CNBP: variants seen among roughly 807,000 people sequenced by gnomAD.
The protein encoded by CNBP is cellular nucleic acid-binding protein.
In CNBP, 6 loss-of-function variants were observed where a neutral mutation model predicts 21.2. That is an observed-to-expected ratio of 0.28 (90% CI 0.16 to 0.56). The LOEUF (loss-of-function observed/expected upper bound fraction) is 0.56. Ranked by LOEUF, CNBP falls within the 20% of genes least tolerant of loss-of-function variation. The probability of loss-of-function intolerance (pLI) is 0.93; values close to 1 mark genes in which losing one functional copy is unlikely to be tolerated. For missense variants in CNBP, 112 were observed against 233.1 expected (o/e 0.48, Z 3.38); for synonymous variants, 61 against 74.9 (o/e 0.81, Z 0.96).
At chr3:129,180,189 A>G (rs1938203896) in intron 1 of CNBP, among the ~76,000 whole-genome samples, 1 of 152,202 alleles carries the variant, frequency 6.6e-6, no homozygotes, top group Non-Finnish European at 1.5e-5. Context: ...AGAAAAAAAA[A>G]AGCCACGCAC....
chr3:129,183,107 T>C (rs1227851558), intron 1 of CNBP, among the ~76,000 whole-genome samples: 7 of 152,054 alleles, frequency 4.6e-5, no homozygotes, highest in African/African-American at 1.4e-4. Flanking sequence ...CCCGCCACCA[T>C]GCCCGGCTAA....
At chr3:129,174,590 G>A (rs975492720) in intron 1 of CNBP, among the ~76,000 whole-genome samples, 11 of 150,448 alleles carry the variant, frequency 7.3e-5, no homozygotes, top group East Asian at 5.9e-4. Context: ...TCTTGAACCC[G>A]GGAGGTGGAG....
At chr3:129,174,628 C>T (rs1469231216) in intron 1 of CNBP, among the ~76,000 whole-genome samples, 1 of 146,176 alleles carries the variant, frequency 6.8e-6, no homozygotes, top group Admixed American at 7.0e-5. Context: ...AATTGCACTC[C>T]AACGTGGGTT....
chr3:129,172,410 C>T (rs1230109146), intron 1 of CNBP, among the ~76,000 whole-genome samples: 1 of 151,708 alleles, frequency 6.6e-6, no homozygotes, highest in Non-Finnish European at 1.5e-5. Context: ...GGCGAAACCC[C>T]GTCTCTACTA....
At chr3:129,171,565 G>A (rs771479532) in intron 2 of CNBP, 27 bp from the exon 3 acceptor site, 40 of 1,613,730 alleles carry the variant, frequency 2.5e-5, no homozygotes, top group South Asian at 5.5e-5. Flanking sequence ...CAAAGAATTC[G>A]GCTAGTCAGA....
rs1560035073 is a variant in CNBP, at chr3:129,172,669, CAGACAGACAGACAGACAGACAGACAG to C, written c.-14-924_-14-899del. On this transcript the variant is annotated intron_variant, in intron 1 of 4. Coordinates refer to ENST00000422453, the MANE Select transcript of CNBP (RefSeq NM_003418.5). ...GCAGGCAGGCAGGCAGACAGACAGA[CAGACAGACAGACAGACAGACAGACAG>C]ACACACACACACACACACACACACA... is the stretch of plus-strand genomic sequence containing the variant. 3.0e-3 allele frequency among the ~76,000 whole-genome samples: 293 copies of C among 99,186 alleles called. 14 individuals are homozygous for C. Among genetic ancestry groups the C allele is most frequent in the South Asian group, 0.02 (57 of 2,800 alleles). The allele number at this position is 99,186 out of a possible 152,430, so 65.1% of individuals were successfully genotyped here.
At position 129,168,786 on chromosome 3, in the gene CNBP, C is replaced by T. The variant is rs542917432; in HGVS notation, c.*1667G>A. Among the ~76,000 whole-genome samples the T allele has an allele frequency of 6.6e-6, 1 of 151,964 alleles. No homozygotes were observed. Among genetic ancestry groups the T allele is most frequent in the South Asian group, 2.1e-4 (1 of 4,812 alleles). On this transcript the variant is annotated 3_prime_UTR_variant, in exon 5 of 5. Transcript: ENST00000422453. ...GACCAGCCCGACCAACATGATGAAA[C>T]CCAGTCTCTACTAAAAATACAAAAA...
chr3:129,178,999 C>T (rs1010483761), intron 1 of CNBP, among the ~76,000 whole-genome samples: 2 of 152,046 alleles, frequency 1.3e-5, no homozygotes, highest in Non-Finnish European at 2.9e-5. Context: ...CTATGGGGGC[C>T]GGGTGTGCTG....
At position 129,175,058 on chromosome 3, in the gene CNBP, G is replaced by A. The variant is rs115807248; in HGVS notation, c.-14-3287C>T. Among the ~76,000 whole-genome samples, 436 of 152,034 alleles carry A rather than the reference G, an allele frequency of 2.9e-3. 1 individual carries two copies. Among genetic ancestry groups the A allele is most frequent in the Non-Finnish European group, 4.9e-3 (330 of 67,980 alleles). On this transcript the variant is annotated intron_variant, in intron 1 of 4. Transcript: ENST00000422453. ...CTAAAAACACAAAATTAGGGCAGGC[G>A]TGGTGGCTCACGCCTGTAATCTCAG...
intron 1 of CNBP, among the ~76,000 whole-genome samples, chr3:129,174,631 C>A (rs376972557): frequency 2.9e-5 from 4 of 136,254 alleles, no homozygotes; most frequent in Non-Finnish European, 6.1e-5. Flanking sequence ...TGCACTCCAA[C>A]GTGGGTTACA....
Position 129,172,672 on chromosome 3 carries a change from A to G in CNBP, c.-14-901T>C, listed in dbSNP as rs57620547. On this transcript the variant is annotated intron_variant, in intron 1 of 4. Coordinates refer to ENST00000422453, the MANE Select transcript of CNBP (RefSeq NM_003418.5). ...GGCAGGCAGGCAGACAGACAGACAG[A>G]CAGACAGACAGACAGACAGACAGAC... is the stretch of plus-strand genomic sequence containing the variant. Among the ~76,000 whole-genome samples, 697 of 114,784 alleles carry G rather than the reference A, an allele frequency of 6.1e-3. 20 individuals carry two copies. Among genetic ancestry groups the G allele is most frequent in the African/African-American group, 0.021 (608 of 28,586 alleles). 75.3% of individuals were successfully genotyped at this position (114,784 alleles called of 152,430 possible). A position where few individuals can be genotyped will look rare whatever the true frequency, so the allele number is the denominator to read the frequency against.
chr3:129,174,062 CTG>C (rs1261816586), intron 1 of CNBP, among the ~76,000 whole-genome samples: 1 of 152,166 alleles, frequency 6.6e-6, no homozygotes, highest in Non-Finnish European at 1.5e-5. Flanking sequence ...TACCCCAACT[CTG>C]TGTAATCTGA....
intron 1 of CNBP, among the ~76,000 whole-genome samples, chr3:129,174,227 A>G (rs946022328): frequency 1.3e-5 from 2 of 152,060 alleles, no homozygotes; most frequent in African/African-American, 2.4e-5. Context: ...AGGATATTAA[A>G]AACAGATTTT....
At chr3:129,174,555 C>T (rs1198288976) in intron 1 of CNBP, among the ~76,000 whole-genome samples, 1 of 150,540 alleles carries the variant, frequency 6.6e-6, no homozygotes, top group Non-Finnish European at 1.5e-5. Context: ...ATCCCAGCTA[C>T]TCAGGAGGCG....
At position 129,170,510 on chromosome 3, in the gene CNBP, G is replaced by GT; in HGVS notation, c.476dup (p.Tyr159Ter). The change falls in exon 5 of 5, where the codon TAC (tyrosine) becomes TAAC (stop). Residue 159 changes from tyrosine (Y) to a stop codon, truncating the protein, a stop_gained and frameshift_variant. Transcript: ENST00000422453. LOFTEE classifies it high-confidence loss of function. ...NCSKTSEVNC[Y>*]RCGESGHLAR... The stretch of plus-strand genomic sequence containing the variant: ...CAAGGTGCCCTGACTCGCCACAGCG[G>GT]TAACAGTTGACTTCACTTGTCTTGC... The GT allele has an allele frequency of 1.9e-6, 3 of 1,614,194 alleles. No individual in the cohort carries two copies. The highest frequency in any genetic ancestry group is 2.5e-6 in the Non-Finnish European group (3 of 1,180,032).
At chr3:129,175,559 A>G (rs1937847600) in intron 1 of CNBP, among the ~76,000 whole-genome samples, 1 of 150,946 alleles carries the variant, frequency 6.6e-6, no homozygotes, top group African/African-American at 2.4e-5. Flanking sequence ...CCTCCCACAT[A>G]GCTGGGACTA....
At chr3:129,174,361 A>AC (rs1263346666) in intron 1 of CNBP, among the ~76,000 whole-genome samples, 6 of 147,962 alleles carry the variant, frequency 4.1e-5, no homozygotes, top group Non-Finnish European at 4.5e-5. Flanking sequence ...AAAAAAAAAA[A>AC]AAAAAAAAAA....
At chr3:129,180,196 G>A (rs1041111973) in intron 1 of CNBP, among the ~76,000 whole-genome samples, 8 of 150,864 alleles carry the variant, frequency 5.3e-5, no homozygotes, top group Non-Finnish European at 8.8e-5. Flanking sequence ...AAAAAGCCAC[G>A]CACATTTGAA....
chr3:129,171,418 G>C (rs754261539), intron 3 of CNBP, 28 bp downstream of exon 3: 5 of 1,602,436 alleles, frequency 3.1e-6, no homozygotes, highest in Non-Finnish European at 4.3e-6. Flanking sequence ...CTCTAGAGGG[G>C]TATGAAAAGG....
Sources: allele counts gnomAD v4.1 joint callset (sites outside exome capture counted in the v4.1 genomes callset), GRCh38; gene constraint gnomAD v4.1.1; transcripts MANE v1.5; gene names NCBI Gene and HGNC (gene_info 2026-07-23, HGNC 2026-07-21).